PDE4A: variants seen among roughly 807,000 people sequenced by gnomAD.
PDE4A encodes the protein 3',5'-cyclic-AMP phosphodiesterase 4A.
Under a neutral mutation model 73.9 loss-of-function variants are expected in PDE4A, and 21 were observed. That is an observed-to-expected ratio of 0.28 (90% CI 0.20 to 0.41). PDE4A has a LOEUF of 0.41. Ranked by LOEUF, PDE4A falls within the 10% of genes least tolerant of loss-of-function variation. The probability of loss-of-function intolerance (pLI) is 1.00; values close to 1 mark genes in which losing one functional copy is unlikely to be tolerated. For synonymous variants in PDE4A, 463 were observed against 505.4 expected, an observed-to-expected ratio of 0.92 and a Z score of 1.13; for missense variants, 958 against 1,211.4, an observed-to-expected ratio of 0.79 and a Z score of 3.10.
rs532618259 is a variant in PDE4A at position 10,441,381 on chromosome 19, C to A, written c.321-4837C>A. ...ACCTCAAGTGATCTGCCCGCCTAGG[C>A]CTCCCAGAGTGCTGGGATTACAGGC... On this transcript the variant is annotated intron_variant, in intron 1 of 14. Coordinates refer to ENST00000380702, the MANE Select transcript of PDE4A (RefSeq NM_001111307.2). 6.6e-5 allele frequency among the ~76,000 whole-genome samples: 10 copies of A among 151,848 alleles called. No homozygotes were observed. The East Asian group carries it at 1.9e-3, about 30-fold the overall frequency.
In PDE4A at chr19:10,435,434, G is replaced by T. The variant is rs143328130; in HGVS notation, c.321-10784G>T. On this transcript the variant is annotated intron_variant, in intron 1 of 14. Coordinates refer to ENST00000380702, the MANE Select transcript of PDE4A (RefSeq NM_001111307.2). ...AAATTAGCTGGGTGTGGTGGTGTGC[G>T]CCTGTGGTTCCAGCTACTCAGGAGG... Among the ~76,000 whole-genome samples, 239 of 151,868 alleles carry T rather than the reference G, an allele frequency of 1.6e-3. 3 individuals are homozygous for T. Among genetic ancestry groups the T allele is most frequent in the Admixed American group, 0.012 (185 of 15,242 alleles).
chr19:10,448,913 A>G lies in PDE4A; in HGVS notation c.513-4A>G. On this transcript the variant is annotated splice_polypyrimidine_tract_variant and splice_region_variant and intron_variant, in intron 2 of 14. Transcript: ENST00000380702. ...CCCTGACCTGCCTCTGTCCTCAATCACAGGCACGCTGAAGACCTCATCGTA... is the reference window on the plus strand; with the variant it reads ...CCCTGACCTGCCTCTGTCCTCAATCGCAGGCACGCTGAAGACCTCATCGTA... 1 of 1,613,660 alleles carries G rather than the reference A, an allele frequency of 6.2e-7. No homozygotes were observed. The highest frequency in any genetic ancestry group is 1.7e-5 in the Admixed American group (1 of 59,970).
chr19:10,420,136 C>G (rs1012239428), upstream of PDE4A: 2 of 152,442 alleles, frequency 1.3e-5, no homozygotes, highest in African/African-American at 4.8e-5. This position sits in a 1 kb window ranked among gnomAD's most constrained non-coding sequence, Gnocchi z 6.0. Context: ...TAGGACCACT[C>G]CTCAAAAACT....
In PDE4A at chr19:10,449,088, C is replaced by T. The variant is rs141618865; in HGVS notation, c.558C>T (p.Ala186=). The T allele has an allele frequency of 1.2e-5, 19 of 1,613,620 alleles. No homozygotes were observed. Among genetic ancestry groups the T allele is most frequent in the African/African-American group, 4.0e-5 (3 of 75,042 alleles). The change falls in exon 4 of 15, where the codon GCC becomes GCT. Residue 186 remains alanine, a synonymous_variant. Coordinates refer to ENST00000380702, the MANE Select transcript of PDE4A (RefSeq NM_001111307.2). ...GCCGCTCCCCATCCCAGGTGCTGGC[C>T]AGCCTCCGGAGCGTCCGTAGCAACT... is the stretch of plus-strand genomic sequence containing the variant. ...LIVTPFAQVL[A]SLRSVRSNFS...
In PDE4A at chr19:10,447,882, C is replaced by T. The variant is rs548399094; in HGVS notation, c.513-1035C>T. ...ACTGGGTTCCTCCAGGCCTTTCCAC[C>T]AGCCATTGCTGTACACACCTCAACC... On this transcript the variant is annotated intron_variant, in intron 2 of 14. Transcript: ENST00000380702. Among the ~76,000 whole-genome samples, 4 of 152,200 alleles carry T rather than the reference C, an allele frequency of 2.6e-5. No individual in the cohort carries two copies. In the East Asian group the frequency reaches 7.7e-4, roughly 29 times the overall value.
chr19:10,447,997 C>T (rs2043035146), intron 2 of PDE4A, among the ~76,000 whole-genome samples: 1 of 152,104 alleles, frequency 6.6e-6, no homozygotes, highest in African/African-American at 2.4e-5. Context: ...AGCTCACACT[C>T]ATAATCCTAG....
intron 1 of PDE4A, chr19:10,430,948 C>T (rs1246526672): frequency 1.2e-5 from 18 of 1,527,458 alleles, no homozygotes; most frequent in Middle Eastern, 1.8e-4. Flanking sequence ...GAGCCCCTGG[C>T]CCCGCGCGCG....
At chr19:10,427,615 C>A in intron 1 of PDE4A, 3 of 985,302 alleles carry the variant, frequency 3.0e-6, no homozygotes, top group Non-Finnish European at 3.6e-6. Flanking sequence ...GCTTGTGTAG[C>A]CTCATGGCTA....
chr19:10,425,370 C>T (rs1387251996), intron 1 of PDE4A, among the ~76,000 whole-genome samples: 1 of 152,140 alleles, frequency 6.6e-6, no homozygotes, highest in Non-Finnish European at 1.5e-5. Context: ...ATCAGTCAAA[C>T]GGGGCTGAAA....
At chr19:10,426,064 G>A (rs1427904094) in intron 1 of PDE4A, among the ~76,000 whole-genome samples, 2 of 151,588 alleles carry the variant, frequency 1.3e-5, no homozygotes, top group Non-Finnish European at 2.9e-5. Context: ...TTTTGGCCAG[G>A]CGAGGTGGCT....
chr19:10,427,956 C>A, intron 1 of PDE4A: 1 of 403,244 alleles, frequency 2.5e-6, no homozygotes, highest in Non-Finnish European at 3.3e-6. Context: ...TATCATGTCA[C>A]TTGCACTGCA....
chr19:10,420,370 C>T, upstream of PDE4A: 3 of 977,842 alleles, frequency 3.1e-6, no homozygotes, highest in Non-Finnish European at 3.6e-6. The surrounding 1 kb of genome is among the most constrained non-coding windows in gnomAD (Gnocchi z 6.0). Context: ...TCTGCGTGGG[C>T]GGGAAGGGCC....
At chr19:10,456,525 C>CAAAAA (rs1170935035) in intron 7 of PDE4A, among the ~76,000 whole-genome samples, 4 of 145,114 alleles carry the variant, frequency 2.8e-5, no homozygotes, top group African/African-American at 1.0e-4. Flanking sequence ...GACTCCATCT[C>CAAAAA]AAAAAAAAAA....
At chr19:10,457,498 A>C (rs1599447358) in intron 7 of PDE4A, among the ~76,000 whole-genome samples, 3 of 107,600 alleles carry the variant, frequency 2.8e-5, no homozygotes, top group African/African-American at 3.6e-5. Context: ...CAGTGATGCC[A>C]CCCCCCACAC....
chr19:10,453,360 G>A lies in PDE4A; in HGVS notation c.784-1469G>A. On this transcript the variant is annotated intron_variant, in intron 6 of 14. Transcript: ENST00000380702. This position sits in a 1 kb window ranked among gnomAD's most constrained non-coding sequence, Gnocchi z 4.6. ...AGAGTGCAGGGTAGGGGGTGGGCGG[G>A]CATCCTGGTGAGCTGGGCCCCCGGT... 6.4e-7 allele frequency: 1 copy of A among 1,550,398 alleles called. No individual in the cohort carries two copies. Among genetic ancestry groups the A allele is most frequent in the Non-Finnish European group, 8.8e-7 (1 of 1,130,242 alleles).
upstream of PDE4A, chr19:10,419,060 T>TC: frequency 1.2e-6 from 1 of 841,262 alleles, no homozygotes; most frequent in Non-Finnish European, 1.4e-6. Flanking sequence ...GGCAGTCTTT[T>TC]TTTTTTTTTT....
chr19:10,452,020 G>GGTGTGTGTGTGT (rs58194674), intron 6 of PDE4A, among the ~76,000 whole-genome samples: 2 of 140,098 alleles, frequency 1.4e-5, no homozygotes, highest in African/African-American at 5.4e-5. Context: ...TTTCTGCAAT[G>GGTGTGTGTGTGT]GTGTGTGTGT....
At chr19:10,439,894 A>G (rs1223141514) in intron 1 of PDE4A, among the ~76,000 whole-genome samples, 2 of 151,668 alleles carry the variant, frequency 1.3e-5, no homozygotes, top group African/African-American at 4.8e-5. Context: ...CCTCCTTGGC[A>G]TTGCATGCAG....
chr19:10,459,838 C>T lies in PDE4A; in HGVS notation c.1365+79C>T, dbSNP rs2043233917. 2.5e-5 allele frequency: 37 copies of T among 1,453,160 alleles called. 2 individuals carry two copies. In the South Asian group the frequency reaches 5.0e-4, roughly 19 times the overall value. 90.0% of individuals were successfully genotyped at this position (1,453,160 alleles called of 1,614,324 possible). A position where few individuals can be genotyped will look rare whatever the true frequency, so the allele number is the denominator to read the frequency against. ...TCAGCCTCCTGTGTGTCTCTCTGAC[C>T]CTGTGTCTCTGACCTCCATCTCTCT... On this transcript the variant is annotated intron_variant, in intron 10 of 14. Transcript: ENST00000380702.
Sources: allele counts gnomAD v4.1 joint callset (sites outside exome capture counted in the v4.1 genomes callset), GRCh38; gene constraint gnomAD v4.1.1; non-coding constraint Gnocchi (gnomAD v3.1); transcripts MANE v1.5; gene names NCBI Gene and HGNC (gene_info 2026-07-23, HGNC 2026-07-21).